Variants in PLXNC1 observed in about 807,000 individuals in gnomAD.
PLXNC1 encodes plexin C1.
A neutral mutation model predicts 178.2 loss-of-function variants in PLXNC1; 75 were observed. That is an observed-to-expected ratio of 0.42 (90% CI 0.35 to 0.51). PLXNC1 has a LOEUF of 0.51. Ranked by LOEUF, PLXNC1 falls within the 20% of genes least tolerant of loss-of-function variation. PLXNC1 has a pLI of 0.02. For missense variants in PLXNC1, 1,503 were observed against 1,984.4 expected (o/e 0.76, Z 4.61); for synonymous variants, 790 against 779.9 (o/e 1.01, Z -0.22).
At position 94,209,468 on chromosome 12, in the gene PLXNC1, T is replaced by A. The variant is rs1460020287; in HGVS notation, c.1440-122T>A. ...TCTCGCTCAAATCAATAATCCACTG[T>A]ACAAGGTCTGGCATTTTGTACTGAA... On this transcript the variant is annotated intron_variant, in intron 4 of 30. Coordinates refer to ENST00000258526, the MANE Select transcript of PLXNC1 (RefSeq NM_005761.3). 5 of 677,546 alleles carry A rather than the reference T, an allele frequency of 7.4e-6. No homozygotes were observed. In the East Asian group the frequency reaches 1.0e-4, roughly 14 times the overall value. 42.0% of individuals were successfully genotyped at this position (677,546 alleles called of 1,614,324 possible). A position where few individuals can be genotyped will look rare whatever the true frequency, so the allele number is the denominator to read the frequency against.
chr12:94,199,721 G>A (rs988883968), intron 4 of PLXNC1, among the ~76,000 whole-genome samples: 1 of 152,232 alleles, frequency 6.6e-6, no homozygotes, highest in Non-Finnish European at 1.5e-5. Flanking sequence ...CACCCTTGGT[G>A]TCCCAGACAG....
chr12:94,268,761 A>G (rs968388004), intron 21 of PLXNC1, among the ~76,000 whole-genome samples: 1 of 151,806 alleles, frequency 6.6e-6, no homozygotes, highest in Non-Finnish European at 1.5e-5. Flanking sequence ...TGCCAGGCTA[A>G]TGCTTGTATT....
At chr12:94,191,710 G>A (rs549657384) in intron 4 of PLXNC1, among the ~76,000 whole-genome samples, 1 of 151,448 alleles carries the variant, frequency 6.6e-6, no homozygotes, top group South Asian at 2.1e-4. Flanking sequence ...CTTGAACCCA[G>A]GAGACGGAGG....
chr12:94,179,226 G>A (rs559404574), intron 2 of PLXNC1, among the ~76,000 whole-genome samples: 124 of 152,354 alleles, frequency 8.1e-4, no homozygotes, highest in Non-Finnish European at 1.5e-3. Flanking sequence ...GTAGATGTGT[G>A]AAGTAGACTT....
intron 11 of PLXNC1, 105 bp downstream of exon 11, chr12:94,240,769 TTCCTCTCACC>T: frequency 1.1e-6 from 1 of 891,428 alleles, no homozygotes. Context: ...TCATTCCAAA[TTCCTCTCACC>T]GAGTTCTCCT....
intron 20 of PLXNC1, chr12:94,262,658 T>C: frequency 5.1e-6 from 5 of 985,464 alleles, no homozygotes; most frequent in Non-Finnish European, 6.0e-6. Flanking sequence ...AGGGGTCTGA[T>C]GTCCCTCCAC....
At chr12:94,276,284 T>C (rs1965950816) in intron 21 of PLXNC1, among the ~76,000 whole-genome samples, 1 of 152,176 alleles carries the variant, frequency 6.6e-6, no homozygotes, top group African/African-American at 2.4e-5. Context: ...CCCGCCACCA[T>C]GAGAAGATCA....
At chr12:94,279,934 G>A (rs1966312129) in intron 22 of PLXNC1, 2 of 540,722 alleles carry the variant, frequency 3.7e-6, no homozygotes, top group African/African-American at 1.9e-5. Flanking sequence ...CAGGCCCTGA[G>A]ACTGCACGGA....
At position 94,240,598 on chromosome 12, in the gene PLXNC1, T is replaced by A; in HGVS notation, c.2234T>A (p.Val745Glu). The A allele has an allele frequency of 6.2e-7, 1 of 1,614,044 alleles. No homozygotes were observed. Among genetic ancestry groups the A allele is most frequent in the Non-Finnish European group, 8.5e-7 (1 of 1,179,862 alleles). Residue 745 changes from valine to glutamate, a missense_variant, in exon 11 of 31, where the codon GTG (valine) becomes GAG (glutamate). Physicochemically the swap from Val to Glu is moderately radical, Grantham distance 121. Coordinates refer to ENST00000258526, the MANE Select transcript of PLXNC1 (RefSeq NM_005761.3). ...IQFDGGNCSS[V>E]GSLSYIALPH... The stretch of plus-strand genomic sequence containing the variant: ...TTTGATGGTGGGAACTGCTCTTCTG[T>A]GGGATCCTTATCCTACATTGCTCTG...
At position 94,227,250 on chromosome 12, in the gene PLXNC1, T is replaced by C; in HGVS notation, c.1980+15T>C. On this transcript the variant is annotated intron_variant, in intron 9 of 30. Coordinates refer to ENST00000258526, the MANE Select transcript of PLXNC1 (RefSeq NM_005761.3). ...AGGCTTTACAGGTCAGACCCTATTT[T>C]TGTGTGGTTGAGGGGAAAACCTGTC... 6.5e-7 allele frequency: 1 copy of C among 1,529,746 alleles called. No homozygotes were observed. Among genetic ancestry groups the C allele is most frequent in the East Asian group, 2.2e-5 (1 of 44,470 alleles). The allele number at this position is 1,529,746 out of a possible 1,614,324, so 94.8% of individuals were successfully genotyped here.
At chr12:94,263,097 G>A (rs565511789) in intron 20 of PLXNC1, among the ~76,000 whole-genome samples, 321 of 152,290 alleles carry the variant, frequency 2.1e-3, no homozygotes, top group Non-Finnish European at 3.6e-3. Context: ...CACGTACGCA[G>A]CGGCTGTGGC....
intron 23 of PLXNC1, among the ~76,000 whole-genome samples, chr12:94,290,013 A>G (rs1280219885): frequency 6.6e-6 from 1 of 152,108 alleles, no homozygotes; most frequent in African/African-American, 2.4e-5. Context: ...GAGACATTTG[A>G]ACTTTTGGCA....
intron 5 of PLXNC1, among the ~76,000 whole-genome samples, chr12:94,217,532 C>T (rs1963678635): frequency 6.6e-6 from 1 of 152,220 alleles, no homozygotes; most frequent in Non-Finnish European, 1.5e-5. Flanking sequence ...TCTTGAACTA[C>T]ATACACCTAA....
At chr12:94,189,723 A>T (rs960685488) in intron 4 of PLXNC1, among the ~76,000 whole-genome samples, 4 of 151,966 alleles carry the variant, frequency 2.6e-5, no homozygotes, top group Non-Finnish European at 5.9e-5. Context: ...GGAAAGGGGA[A>T]TTATTGGACT....
At chr12:94,175,159 A>G (rs1962004084) in intron 2 of PLXNC1, among the ~76,000 whole-genome samples, 1 of 152,162 alleles carries the variant, frequency 6.6e-6, no homozygotes. Flanking sequence ...GCAGGCATGC[A>G]CGTGCATATG....
intron 15 of PLXNC1, chr12:94,254,437 G>A (rs527554217): frequency 2.1e-6 from 1 of 466,762 alleles, no homozygotes; most frequent in African/African-American, 2.0e-5. Context: ...GCAAGTGGCT[G>A]CAGCTGTGGG....
Position 94,237,732 on chromosome 12 carries a change from G to A in PLXNC1, c.2049G>A (p.Thr683=), listed in dbSNP as rs116812080. The A allele has an allele frequency of 1.3e-4, 217 of 1,613,804 alleles. 1 individual carries two copies. The African/African-American group carries it at 2.4e-3, about 18-fold the overall frequency. ...STLGKSNVIV[T]GANFTRASNI... ...TAGGGAAAAGCAACGTGATAGTAACGGGAGCAAACTTTACCCGGGCATCGA... is the reference window on the plus strand; with the variant it reads ...TAGGGAAAAGCAACGTGATAGTAACAGGAGCAAACTTTACCCGGGCATCGA... Residue 683 remains threonine (T), a synonymous_variant, in exon 10 of 31, where the codon ACG becomes ACA. Transcript: ENST00000258526.
chr12:94,236,239 G>C (rs1322403787), intron 9 of PLXNC1, among the ~76,000 whole-genome samples: 1 of 152,220 alleles, frequency 6.6e-6, no homozygotes, highest in Non-Finnish European at 1.5e-5. Context: ...CATCATTGCT[G>C]TGATGACATT....
chr12:94,264,220 G>A (rs73228155), intron 20 of PLXNC1, among the ~76,000 whole-genome samples: 7,760 of 152,120 alleles, frequency 0.051, 227 homozygotes, highest in East Asian at 0.062. Context: ...AGAACACACC[G>A]CCTCCCACTT....
Sources: gnomAD v4.1 joint callset for allele counts (sites outside exome capture counted in the v4.1 genomes callset) on GRCh38, gnomAD v4.1.1 for gene constraint, MANE v1.5 for transcripts, NCBI Gene and HGNC (gene_info 2026-07-23, HGNC 2026-07-21) for gene names.